TFCP2: variants seen among roughly 807,000 people sequenced by gnomAD.
TFCP2 encodes transcription factor CP2.
TFCP2 carries 33 observed loss-of-function variants against 73.4 expected under a neutral mutation model. That is an observed-to-expected ratio of 0.45 (90% CI 0.34 to 0.60). The LOEUF (loss-of-function observed/expected upper bound fraction) is 0.60, where lower values mean the gene tolerates loss of function less well. Among genes scored for constraint, TFCP2 ranks in the 20% least tolerant of loss-of-function variants. The pLI, the probability that TFCP2 is intolerant of heterozygous loss-of-function variation, is 0.01. For missense variants in TFCP2, 352 were observed against 604.0 expected (o/e 0.58, Z 4.37); for synonymous variants, 193 against 211.6 (o/e 0.91, Z 0.76).
rs534860860 is a variant in TFCP2 at position 51,128,382 on chromosome 12, C to T, written c.123-9610G>A. Among the ~76,000 whole-genome samples, 276 of 151,014 alleles carry T rather than the reference C, an allele frequency of 1.8e-3. 2 individuals carry two copies. Among genetic ancestry groups the T allele is most frequent in the Non-Finnish European group, 3.3e-3 (222 of 67,860 alleles). ...AGGAGATATACCTAATGCTAAATGA[C>T]GACTTAATGGGTGCAGCACACCAGC... On this transcript the variant is annotated intron_variant, in intron 1 of 14. Coordinates refer to ENST00000257915, the MANE Select transcript of TFCP2 (RefSeq NM_005653.5).
intron 1 of TFCP2, among the ~76,000 whole-genome samples, chr12:51,133,072 CTT>C (rs1033925803): frequency 1.3e-4 from 20 of 151,282 alleles, no homozygotes; most frequent in African/African-American, 4.4e-4. Context: ...TAAAACAAAA[CTT>C]AATAGTAATG....
chr12:51,106,500 A>G (rs1940246825), intron 8 of TFCP2, 25 bp downstream of exon 8: 1 of 1,568,140 alleles, frequency 6.4e-7, no homozygotes. Flanking sequence ...GACAAATATA[A>G]GCCAATTTTA....
intron 11 of TFCP2, among the ~76,000 whole-genome samples, chr12:51,100,994 T>C (rs141546459): frequency 4.6e-5 from 7 of 152,296 alleles, no homozygotes; most frequent in East Asian, 1.9e-4. Flanking sequence ...ATTTTAACAA[T>C]TGCAGGCAGA....
intron 13 of TFCP2, 127 bp downstream of exon 13, chr12:51,098,649 G>T: frequency 8.8e-7 from 1 of 1,131,104 alleles, no homozygotes. Context: ...TAGGAGGAAA[G>T]CAAGCAAAAA....
intron 13 of TFCP2, among the ~76,000 whole-genome samples, chr12:51,096,714 G>T (rs781111723): frequency 1.3e-5 from 2 of 152,052 alleles, no homozygotes; most frequent in Non-Finnish European, 2.9e-5. Context: ...TAATTCTGAA[G>T]TATAATCTAA....
intron 1 of TFCP2, among the ~76,000 whole-genome samples, chr12:51,168,294 C>T (rs1941794385): frequency 6.6e-6 from 1 of 151,962 alleles, no homozygotes; most frequent in Admixed American, 6.6e-5. Flanking sequence ...TGCACTCCAG[C>T]CTAGGGGACA....
chr12:51,154,525 C>A (rs1381163669), intron 1 of TFCP2, among the ~76,000 whole-genome samples: 3 of 152,116 alleles, frequency 2.0e-5, no homozygotes, highest in Non-Finnish European at 4.4e-5. Flanking sequence ...AAAATCTCAT[C>A]TCTATTAAAA....
At chr12:51,121,323 G>T (rs1378771586) in intron 1 of TFCP2, among the ~76,000 whole-genome samples, 2 of 151,740 alleles carry the variant, frequency 1.3e-5, no homozygotes, top group African/African-American at 4.8e-5. Context: ...GGAGGCTGAG[G>T]CAGGAGAATT....
intron 1 of TFCP2, among the ~76,000 whole-genome samples, chr12:51,147,316 C>T (rs1448003679): frequency 6.6e-6 from 1 of 151,712 alleles, no homozygotes; most frequent in Non-Finnish European, 1.5e-5. Context: ...GCACTCCAGC[C>T]TCAGCAAGAC....
At chr12:51,142,083 A>C (rs1243666117) in intron 1 of TFCP2, among the ~76,000 whole-genome samples, 4 of 151,172 alleles carry the variant, frequency 2.6e-5, no homozygotes, top group African/African-American at 9.7e-5. Context: ...CACACCTGTA[A>C]TCCCAGCTAC....
At chr12:51,148,562 T>C (rs1941347584) in intron 1 of TFCP2, among the ~76,000 whole-genome samples, 1 of 150,998 alleles carries the variant, frequency 6.6e-6, no homozygotes. Context: ...CAGCCAGGCG[T>C]GGTGGCGGGC....
chr12:51,146,986 T>C (rs1464235589), intron 1 of TFCP2, among the ~76,000 whole-genome samples: 1 of 152,208 alleles, frequency 6.6e-6, no homozygotes, highest in Non-Finnish European at 1.5e-5. Flanking sequence ...CTCAAGTGTT[T>C]GCTGAATGAT....
intron 1 of TFCP2, among the ~76,000 whole-genome samples, chr12:51,169,457 C>T (rs954409146): frequency 6.6e-6 from 1 of 151,092 alleles, no homozygotes; most frequent in African/African-American, 2.4e-5. Flanking sequence ...GCTAAGATCA[C>T]ACCACTGAAT....
chr12:51,128,174 C>T (rs1051857692), intron 1 of TFCP2, among the ~76,000 whole-genome samples: 2 of 152,076 alleles, frequency 1.3e-5, no homozygotes, highest in East Asian at 3.8e-4. Flanking sequence ...CCAACTCAGC[C>T]TCCCAAAGTG....
chr12:51,109,399 T>C, intron 5 of TFCP2, 126 bp from the exon 6 acceptor site: 1 of 889,392 alleles, frequency 1.1e-6, no homozygotes, highest in Non-Finnish European at 1.7e-6. Flanking sequence ...AAAAACACTT[T>C]TCCTCTTTTT....
intron 1 of TFCP2, among the ~76,000 whole-genome samples, chr12:51,143,759 C>T (rs566453625): frequency 6.6e-6 from 1 of 152,264 alleles, no homozygotes; most frequent in East Asian, 1.9e-4. Flanking sequence ...CTATGCTAGG[C>T]TGTCTCTTGG....
At chr12:51,163,957 C>T (rs1050210626) in intron 1 of TFCP2, among the ~76,000 whole-genome samples, 1 of 151,950 alleles carries the variant, frequency 6.6e-6, no homozygotes. Flanking sequence ...GTAATCCCAG[C>T]GCTTTGGGAG....
intron 4 of TFCP2, among the ~76,000 whole-genome samples, chr12:51,115,678 A>T (rs1940517962): frequency 6.6e-6 from 1 of 152,258 alleles, no homozygotes; most frequent in Non-Finnish European, 1.5e-5. Flanking sequence ...ATGGATAAAC[A>T]AAGTGTGATA....
chr12:51,136,889 G>A (rs181016998), intron 1 of TFCP2, among the ~76,000 whole-genome samples: 242 of 152,272 alleles, frequency 1.6e-3, no homozygotes, highest in African/African-American at 5.6e-3. Context: ...AGGTTGCAGT[G>A]AGCTGACACT....
Sources: gnomAD v4.1 joint callset for allele counts (sites outside exome capture counted in the v4.1 genomes callset) on GRCh38, gnomAD v4.1.1 for gene constraint, MANE v1.5 for transcripts, NCBI Gene and HGNC (gene_info 2026-07-23, HGNC 2026-07-21) for gene names.